Variants in PPP1R17 observed in about 807,000 individuals in gnomAD.
PPP1R17 encodes the protein protein phosphatase 1 regulatory subunit 17.
In PPP1R17, 12 loss-of-function variants were observed where a neutral mutation model predicts 15.9. That is an observed-to-expected ratio of 0.75 (90% confidence interval 0.48 to 1.22). The LOEUF is 1.22. PPP1R17 is among the 50% of genes most tolerant of loss of function. PPP1R17 has a pLI of 0.00. For synonymous variants in PPP1R17, 63 were observed against 64.5 expected (o/e 0.98, Z 0.11); for missense variants, 211 against 187.3 (o/e 1.13, Z -0.74).
intron 4 of PPP1R17, among the ~76,000 whole-genome samples, chr7:31,698,386 C>A (rs1163957790): frequency 6.6e-6 from 1 of 152,140 alleles, no homozygotes; most frequent in African/African-American, 2.4e-5. Flanking sequence ...CTCTATCTAT[C>A]CCTTCGTCTT....
intron 1 of PPP1R17, among the ~76,000 whole-genome samples, chr7:31,689,954 G>A (rs1317245552): frequency 6.6e-6 from 1 of 152,210 alleles, no homozygotes; most frequent in East Asian, 1.9e-4. Context: ...ATTTGAAATA[G>A]TGTTGTTTCT....
chr7:31,703,452 G>A (rs1041115732), intron 4 of PPP1R17, among the ~76,000 whole-genome samples: 2 of 152,136 alleles, frequency 1.3e-5, no homozygotes, highest in African/African-American at 4.8e-5. Context: ...GTGGGAAGGG[G>A]GAGAGGTTGT....
At chr7:31,701,863 T>G (rs1792862131) in intron 4 of PPP1R17, among the ~76,000 whole-genome samples, 1 of 152,250 alleles carries the variant, frequency 6.6e-6, no homozygotes, top group Non-Finnish European at 1.5e-5. Flanking sequence ...CATAATGCTA[T>G]TTCACATTTA....
intron 4 of PPP1R17, among the ~76,000 whole-genome samples, chr7:31,698,407 C>T (rs1183204177): frequency 6.6e-6 from 1 of 152,168 alleles, no homozygotes; most frequent in African/African-American, 2.4e-5. Flanking sequence ...CACCACTTAC[C>T]TGTATACCAA....
Position 31,705,770 on chromosome 7 carries a change from C to A in PPP1R17, c.389-1434C>A, listed in dbSNP as rs1453502488. Among the ~76,000 whole-genome samples, 3 of 152,018 alleles carry A rather than the reference C, an allele frequency of 2.0e-5. No individual in the cohort carries two copies. The East Asian group carries it at 5.8e-4, about 30-fold the overall frequency. ...CGTCTCATTATGAGAAGGAAGGAGG[C>A]AGTGCGAGGCAGTGGTGGGGAAGCT... On this transcript the variant is annotated intron_variant, in intron 4 of 4. Coordinates refer to ENST00000342032, the MANE Select transcript of PPP1R17 (RefSeq NM_006658.5).
chr7:31,690,322 A>G (rs1792287160), intron 1 of PPP1R17, among the ~76,000 whole-genome samples: 1 of 152,222 alleles, frequency 6.6e-6, no homozygotes, highest in Non-Finnish European at 1.5e-5. Context: ...ATGCTATTTC[A>G]TCTTCACAGT....
At position 31,695,639 on chromosome 7, in the gene PPP1R17, C is replaced by G; in HGVS notation, c.235+18C>G. 1.2e-6 allele frequency: 2 copies of G among 1,604,704 alleles called. No homozygotes were observed. Among genetic ancestry groups the G allele is most frequent in the Non-Finnish European group, 1.7e-6 (2 of 1,177,020 alleles). ...CATACCAGGTAATGGACAAAGTCATCTGCACAGCTGTAAAGGAGAGCCACT... is the reference window on the plus strand; with the variant it reads ...CATACCAGGTAATGGACAAAGTCATGTGCACAGCTGTAAAGGAGAGCCACT... On this transcript the variant is annotated intron_variant, in intron 3 of 4. Transcript: ENST00000342032.
intron 4 of PPP1R17, among the ~76,000 whole-genome samples, chr7:31,701,055 G>A (rs572585759): frequency 7.7e-4 from 117 of 151,406 alleles, no homozygotes; most frequent in African/African-American, 2.5e-3. Context: ...GAGTTACTTC[G>A]ACTTGCAAGT....
rs760174135 is a variant in PPP1R17, at chr7:31,696,945, G to A, written c.236-20G>A. ...TATGTATTTGATCCTGTTTCTCTCT[G>A]TGTTCCCCTAACCATGCAGGTGTGT... On this transcript the variant is annotated intron_variant, in intron 3 of 4. Coordinates refer to ENST00000342032, the MANE Select transcript of PPP1R17 (RefSeq NM_006658.5). 3 of 1,612,188 alleles carry A rather than the reference G, an allele frequency of 1.9e-6. No individual in the cohort carries two copies. The highest frequency in any genetic ancestry group is 4.5e-5 in the East Asian group (2 of 44,858).
chr7:31,697,910 T>C (rs1792669592), intron 4 of PPP1R17, among the ~76,000 whole-genome samples: 1 of 152,212 alleles, frequency 6.6e-6, no homozygotes. Context: ...TCATCTACTT[T>C]AAAGTCTTAT....
At chr7:31,693,993 T>A (rs868802639) in intron 2 of PPP1R17, among the ~76,000 whole-genome samples, 6 of 152,214 alleles carry the variant, frequency 3.9e-5, no homozygotes, top group Non-Finnish European at 8.8e-5. Context: ...CTTCTTTGAA[T>A]CCTAACGGAA....
At chr7:31,702,974 T>C (rs1792918175) in intron 4 of PPP1R17, among the ~76,000 whole-genome samples, 1 of 152,228 alleles carries the variant, frequency 6.6e-6, no homozygotes, top group African/African-American at 2.4e-5. Context: ...ACATGGTCTT[T>C]GGATTCACAA....
chr7:31,688,799 T>C (rs911604756), intron 1 of PPP1R17, among the ~76,000 whole-genome samples: 1 of 152,218 alleles, frequency 6.6e-6, no homozygotes, highest in Admixed American at 6.5e-5. Context: ...TATCTCTTGG[T>C]CTCTTGCATA....
chr7:31,695,138 G>C (rs888848161), intron 2 of PPP1R17, among the ~76,000 whole-genome samples: 1 of 124,764 alleles, frequency 8.0e-6, no homozygotes, highest in African/African-American at 3.6e-5. Flanking sequence ...GTTTAGCAGA[G>C]AGAACCTATT....
At chr7:31,692,595 A>G in intron 2 of PPP1R17, 72 bp downstream of exon 2, 1 of 1,445,600 alleles carries the variant, frequency 6.9e-7, no homozygotes, top group Non-Finnish European at 9.7e-7. Flanking sequence ...TTTGGTTTGC[A>G]GGCAAGTCAG....
chr7:31,693,366 C>T lies in PPP1R17; in HGVS notation c.82+843C>T, dbSNP rs556174435. Reference sequence around the variant, plus strand: ...TCATTTATTCAACACATGACTATGGCATGTAAAATATTGGGGAAAGATTAA... The same window carrying T: ...TCATTTATTCAACACATGACTATGGTATGTAAAATATTGGGGAAAGATTAA... On this transcript the variant is annotated intron_variant, in intron 2 of 4. Coordinates refer to ENST00000342032, the MANE Select transcript of PPP1R17 (RefSeq NM_006658.5). 4.6e-5 allele frequency among the ~76,000 whole-genome samples: 7 copies of T among 152,266 alleles called. No individual in the cohort carries two copies. The South Asian group carries it at 1.2e-3, about 27-fold the overall frequency.
chr7:31,696,120 G>A (rs538386083), intron 3 of PPP1R17: 1 of 152,434 alleles, frequency 6.6e-6, no homozygotes, highest in Admixed American at 6.5e-5. Context: ...CAAGAGAAAA[G>A]CAAAGCAGTC....
chr7:31,692,383 A>T (rs1792393265), intron 1 of PPP1R17, 23 bp from the exon 2 acceptor site: 1 of 1,346,246 alleles, frequency 7.4e-7, no homozygotes, highest in African/African-American at 1.5e-5. Context: ...CATACTTATT[A>T]ACTGTTTTTT....
chr7:31,695,270 T>A (rs1792530400), intron 2 of PPP1R17, among the ~76,000 whole-genome samples, 199 bp from the exon 3 acceptor site: 1 of 152,184 alleles, frequency 6.6e-6, no homozygotes, highest in South Asian at 2.1e-4. Context: ...TACAGCATTC[T>A]AGTTTTCGAT....
Sources: allele counts gnomAD v4.1 joint callset (sites outside exome capture counted in the v4.1 genomes callset), GRCh38; gene constraint gnomAD v4.1.1; transcripts MANE v1.5; gene names NCBI Gene and HGNC (gene_info 2026-07-23, HGNC 2026-07-21).